B3GLCT: variants seen among roughly 807,000 people sequenced by gnomAD.
B3GLCT encodes the protein beta 3-glucosyltransferase.
A neutral mutation model predicts 63.4 loss-of-function variants in B3GLCT; 65 were observed. That is an observed-to-expected ratio of 1.03 (90% CI 0.84 to 1.26). The LOEUF is 1.26. Ranked by LOEUF, B3GLCT falls within the 50% of genes most tolerant of loss-of-function variation. The pLI, the probability that B3GLCT is intolerant of heterozygous loss-of-function variation, is 0.00. For missense variants in B3GLCT, 577 were observed against 604.8 expected, an observed-to-expected ratio of 0.95 and a Z score of 0.48; for synonymous variants, 233 against 219.2, an observed-to-expected ratio of 1.06 and a Z score of -0.55.
intron 1 of B3GLCT, among the ~76,000 whole-genome samples, chr13:31,210,900 A>G (rs1869222991): frequency 6.6e-6 from 1 of 152,044 alleles, no homozygotes; most frequent in South Asian, 2.1e-4. Context: ...GTGCACTAGC[A>G]AGCCTGGCTA....
At chr13:31,282,805 C>T (rs1181884590) in intron 10 of B3GLCT, among the ~76,000 whole-genome samples, 1 of 152,116 alleles carries the variant, frequency 6.6e-6, no homozygotes, top group African/African-American at 2.4e-5. Context: ...GGCTGAATTG[C>T]CTTTATGAAT....
chr13:31,225,572 A>G (rs993381414), intron 3 of B3GLCT, among the ~76,000 whole-genome samples: 3 of 152,224 alleles, frequency 2.0e-5, no homozygotes, highest in African/African-American at 7.2e-5. Context: ...CTAGCATGTC[A>G]GTGATCTTCC....
At chr13:31,255,429 T>G (rs1361335252) in intron 6 of B3GLCT, among the ~76,000 whole-genome samples, 1 of 152,162 alleles carries the variant, frequency 6.6e-6, no homozygotes, top group East Asian at 1.9e-4. Flanking sequence ...ATTGACTTTC[T>G]TCACAGAATT....
chr13:31,292,271 T>C (rs1873703104), intron 12 of B3GLCT, among the ~76,000 whole-genome samples: 1 of 151,320 alleles, frequency 6.6e-6, no homozygotes, highest in Non-Finnish European at 1.5e-5. Context: ...TGGTCTGAAA[T>C]TTTTTTTCTT....
At chr13:31,267,888 G>A (rs534244729) in intron 7 of B3GLCT, among the ~76,000 whole-genome samples, 38 of 144,332 alleles carry the variant, frequency 2.6e-4, no homozygotes, top group South Asian at 1.7e-3. Flanking sequence ...GGTCTCTGTT[G>A]CTCAGGCTGG....
intron 6 of B3GLCT, 24 bp from the exon 7 acceptor site, chr13:31,260,922 A>G: frequency 6.2e-7 from 1 of 1,604,486 alleles, no homozygotes; most frequent in Non-Finnish European, 8.5e-7. Context: ...TTTTAAAGTG[A>G]CATGTTATAT....
chr13:31,313,550 G>C (rs1336652890), intron 12 of B3GLCT, among the ~76,000 whole-genome samples: 2 of 152,164 alleles, frequency 1.3e-5, no homozygotes, highest in Non-Finnish European at 2.9e-5. Flanking sequence ...TAGGGTATGT[G>C]GTGGAAGAAA....
chr13:31,245,516 C>G (rs1281920073), intron 4 of B3GLCT, among the ~76,000 whole-genome samples: 4 of 152,024 alleles, frequency 2.6e-5, no homozygotes, highest in Non-Finnish European at 4.4e-5. Flanking sequence ...TTGTTTTATT[C>G]TTGGAATCAT....
Position 31,229,195 on chromosome 13 carries a change from A to G in B3GLCT, c.171A>G (p.Gly57=). The G allele has an allele frequency of 6.3e-7, 1 of 1,598,412 alleles. No individual in the cohort carries two copies. The highest frequency in any genetic ancestry group is 8.6e-7 in the Non-Finnish European group (1 of 1,165,748). Residue 57 remains glycine (G), a synonymous_variant, in exon 4 of 15, where the codon GGA becomes GGG. Transcript: ENST00000343307. ...ISRKNDIDLK[G]IVFVIQSQSN... ...TTTTTTTTGTTCTAGACTTAAAAGG[A>G]ATTGTATTCGTCATCCAGAGTCAAA... is the stretch of plus-strand genomic sequence containing the variant.
chr13:31,274,769 G>T (rs754869912), intron 9 of B3GLCT, 141 bp downstream of exon 9: 3 of 1,081,590 alleles, frequency 2.8e-6, no homozygotes, highest in Non-Finnish European at 4.1e-6. Context: ...ATTGTGTGAT[G>T]CTAAGGTTTG....
At chr13:31,211,850 C>G (rs7319997) in intron 1 of B3GLCT, among the ~76,000 whole-genome samples, 12,698 of 152,144 alleles carry the variant, frequency 0.083, 1,340 homozygotes, top group East Asian at 0.44. Context: ...GAACCAGTAC[C>G]AAATAAAGAT....
chr13:31,316,431 A>ATATATATATATATATATATATAT (rs1555255278), intron 12 of B3GLCT, among the ~76,000 whole-genome samples: 272 of 109,856 alleles, frequency 2.5e-3, no homozygotes, highest in Middle Eastern at 4.8e-3. Flanking sequence ...ATATATATAT[A>ATATATATATATATATATATATAT]AATTTTTTTT....
intron 14 of B3GLCT, among the ~76,000 whole-genome samples, chr13:31,325,890 C>T (rs897325537): frequency 2.0e-5 from 3 of 152,158 alleles, no homozygotes; most frequent in Non-Finnish European, 4.4e-5. Context: ...TTGCCTGGGC[C>T]GTCACATTTC....
chr13:31,203,850 A>G (rs1241480504), intron 1 of B3GLCT, among the ~76,000 whole-genome samples: 2 of 152,220 alleles, frequency 1.3e-5, no homozygotes, highest in Non-Finnish European at 2.9e-5. Flanking sequence ...TCTAGTCACT[A>G]AGCAACTCCC....
At chr13:31,255,577 C>A (rs1195914191) in intron 6 of B3GLCT, among the ~76,000 whole-genome samples, 1 of 152,190 alleles carries the variant, frequency 6.6e-6, no homozygotes, top group Non-Finnish European at 1.5e-5. Flanking sequence ...GTAACAAAAA[C>A]AGCATGGTAC....
At chr13:31,222,896 C>T in intron 2 of B3GLCT, 56 bp from the exon 3 acceptor site, 1 of 1,177,272 alleles carries the variant, frequency 8.5e-7, no homozygotes, top group Non-Finnish European at 1.3e-6. Context: ...ACTCAGTGTA[C>T]TGCTGGCTTT....
At chr13:31,235,413 G>A (rs1870598695) in intron 4 of B3GLCT, among the ~76,000 whole-genome samples, 1 of 152,128 alleles carries the variant, frequency 6.6e-6, no homozygotes, top group South Asian at 2.1e-4. Flanking sequence ...GGCCCTGCGG[G>A]AAGACCAGTG....
chr13:31,299,263 T>C (rs1051646567), intron 12 of B3GLCT, among the ~76,000 whole-genome samples: 2 of 152,222 alleles, frequency 1.3e-5, no homozygotes, highest in African/African-American at 4.8e-5. Flanking sequence ...TATTCATCTA[T>C]CAAACTATGA....
rs1566035419 is a variant in B3GLCT at position 31,200,119 on chromosome 13, C to A, written c.35C>A (p.Pro12Gln). ...RPPACWWLLA[P>Q]PALLALLTCS... ...CCCGCCTGCTGGTGGCTGCTCGCGC[C>A]GCCGGCGCTGCTCGCGCTCCTCACC... Residue 12 changes from proline (P) to glutamine (Q), a missense_variant, in exon 1 of 15, where the codon CCG (proline) becomes CAG (glutamine). Physicochemically the swap from Pro to Gln is moderately conservative, Grantham distance 76. Transcript: ENST00000343307. 7.3e-7 allele frequency: 1 copy of A among 1,376,186 alleles called. No individual in the cohort carries two copies. Among genetic ancestry groups the A allele is most frequent in the Non-Finnish European group, 9.5e-7 (1 of 1,055,198 alleles). 85.2% of individuals were successfully genotyped at this position (1,376,186 alleles called of 1,614,324 possible).
Sources: allele counts gnomAD v4.1 joint callset (sites outside exome capture counted in the v4.1 genomes callset), GRCh38; gene constraint gnomAD v4.1.1; transcripts MANE v1.5; gene names NCBI Gene and HGNC (gene_info 2026-07-23, HGNC 2026-07-21).